Variants in DEPDC4 observed in about 807,000 individuals in gnomAD.
The protein encoded by DEPDC4 is DEP domain containing 4.
DEPDC4 carries 52 observed loss-of-function variants against 52.0 expected under a neutral mutation model. The ratio of observed to expected loss-of-function variants is 1.00; its 90% CI spans 0.80 to 1.26. DEPDC4 has a LOEUF of 1.26. DEPDC4 is among the 50% of genes most tolerant of loss of function. The pLI is 0.00. For synonymous variants in DEPDC4, 201 were observed against 196.8 expected, an observed-to-expected ratio of 1.02 and a Z score of -0.18; for missense variants, 530 against 546.9, an observed-to-expected ratio of 0.97 and a Z score of 0.31.
chr12:100,265,317 C>A lies in DEPDC4; in HGVS notation c.158-1424G>T, dbSNP rs1592910062. Among the ~76,000 whole-genome samples the A allele has an allele frequency of 3.3e-5, 5 of 152,112 alleles. No individual in the cohort carries two copies. In the East Asian group the frequency reaches 9.7e-4, roughly 29 times the overall value. Reference sequence around the variant, plus strand: ...TCAATTAGAAACAAAAACAGTTGGCCAGGCGCAGTGGCTTAAGCCTGTAAT... The same window carrying A: ...TCAATTAGAAACAAAAACAGTTGGCAAGGCGCAGTGGCTTAAGCCTGTAAT... On this transcript the variant is annotated intron_variant, in intron 1 of 9. Coordinates refer to ENST00000550587, the MANE Select transcript of DEPDC4 (RefSeq NM_001364818.2).
At chr12:100,281,841 A>AAAG in the DEPDC4 span, among the ~76,000 whole-genome samples, 326 of 152,166 alleles carry the variant, frequency 2.1e-3, 5 homozygotes, top group East Asian at 0.036. Context: ...CTCAAAAAAA[A>AAAG]AAAAAAAAAG....
chr12:100,254,094 A>T, intron 4 of DEPDC4, among the ~76,000 whole-genome samples: 1 of 152,036 alleles, frequency 6.6e-6, no homozygotes, highest in East Asian at 1.9e-4. Context: ...TCCCCAACCC[A>T]GATGAACTGT....
chr12:100,281,966 A>AT, the DEPDC4 span, among the ~76,000 whole-genome samples: 1 of 152,154 alleles, frequency 6.6e-6, no homozygotes, highest in Non-Finnish European at 1.5e-5. Flanking sequence ...AAAAAGAAAA[A>AT]ATAAGAATAA....
downstream of DEPDC4, among the ~76,000 whole-genome samples, chr12:100,239,590 G>A (rs781310179): frequency 1.2e-4 from 19 of 152,080 alleles, no homozygotes; most frequent in Admixed American, 2.0e-4. Context: ...AAACTATATT[G>A]CCCAGGCTGG....
chr12:100,267,049 C>T lies in DEPDC4; in HGVS notation c.28G>A (p.Glu10Lys), dbSNP rs200439926. ...GGAGTCAAAAGAACCGCCATAAGCTCGCGCGCTGGCTCCTCCCCTGGCACC... is the reference window on the plus strand; with the variant it reads ...GGAGTCAAAAGAACCGCCATAAGCTTGCGCGCTGGCTCCTCCCCTGGCACC... MVPGEEPAR[E>K]LMAVLLTPRF... Residue 10 changes from glutamate to lysine, a missense_variant, in exon 1 of 10, where the codon GAG (glutamate) becomes AAG (lysine). Physicochemically the swap from Glu to Lys is moderately conservative, Grantham distance 56 (BLOSUM62 1). Transcript: ENST00000550587. 6.2e-7 allele frequency: 1 copy of T among 1,613,824 alleles called. No homozygotes were observed. Among genetic ancestry groups the T allele is most frequent in the Non-Finnish European group, 8.5e-7 (1 of 1,179,880 alleles).
chr12:100,259,081 A>ATATATATAT (rs1555312803), intron 3 of DEPDC4, among the ~76,000 whole-genome samples: 4 of 149,090 alleles, frequency 2.7e-5, no homozygotes, highest in African/African-American at 7.5e-5. Context: ...AAAAAAAAAA[A>ATATATATAT]ATATATATAT....
upstream of DEPDC4, among the ~76,000 whole-genome samples, chr12:100,269,535 T>C (rs1468940314): frequency 2.0e-5 from 3 of 152,170 alleles, no homozygotes; most frequent in Admixed American, 6.5e-5. Flanking sequence ...ATTTAATGCT[T>C]ACTGAATGGG....
intron 3 of DEPDC4, among the ~76,000 whole-genome samples, chr12:100,259,081 A>ATAT (rs1555312803): frequency 1.1e-3 from 168 of 149,186 alleles, no homozygotes; most frequent in African/African-American, 4.1e-3. Flanking sequence ...AAAAAAAAAA[A>ATAT]ATATATATAT....
At chr12:100,276,918 A>G in the DEPDC4 span, among the ~76,000 whole-genome samples, 3 of 152,114 alleles carry the variant, frequency 2.0e-5, no homozygotes, top group African/African-American at 4.8e-5. Context: ...ACTGCTTTAG[A>G]TATGACCCAC....
upstream of DEPDC4, among the ~76,000 whole-genome samples, chr12:100,269,359 C>T (rs75186611): frequency 3.7e-4 from 56 of 152,128 alleles, no homozygotes; most frequent in East Asian, 8.5e-3. Flanking sequence ...ATTCATCATT[C>T]AGCTCACTTC....
chr12:100,243,116 T>A (rs1257772905), intron 8 of DEPDC4, among the ~76,000 whole-genome samples: 1 of 152,148 alleles, frequency 6.6e-6, no homozygotes, highest in Non-Finnish European at 1.5e-5. Flanking sequence ...AATAGAGCAA[T>A]TATAACAATA....
upstream of DEPDC4, among the ~76,000 whole-genome samples, chr12:100,271,013 G>C (rs1253902248): frequency 2.6e-5 from 4 of 151,960 alleles, no homozygotes; most frequent in Non-Finnish European, 4.4e-5. Flanking sequence ...AACTATGTCT[G>C]ATAATTAGAT....
chr12:100,233,741 C>G (rs2153902735), intron 9 of DEPDC4, among the ~76,000 whole-genome samples: 1 of 152,270 alleles, frequency 6.6e-6, no homozygotes, highest in African/African-American at 2.4e-5. Context: ...TGCAAGGAAT[C>G]AGCAAATAGA....
At chr12:100,233,464 A>T (rs1326444686) in intron 9 of DEPDC4, among the ~76,000 whole-genome samples, 1 of 152,206 alleles carries the variant, frequency 6.6e-6, no homozygotes, top group Non-Finnish European at 1.5e-5. Context: ...AAATAGTTGT[A>T]TAGAGTTCTG....
intron 3 of DEPDC4, among the ~76,000 whole-genome samples, chr12:100,260,495 G>C (rs1302592080): frequency 6.6e-6 from 1 of 151,824 alleles, no homozygotes; most frequent in Non-Finnish European, 1.5e-5. Context: ...AAAAATAATG[G>C]GAAAAGTTAT....
At chr12:100,253,809 T>A in intron 4 of DEPDC4, 94 bp from the exon 5 acceptor site, 2 of 595,176 alleles carry the variant, frequency 3.4e-6, no homozygotes, top group Non-Finnish European at 5.0e-6. Context: ...TCTGGCTTAT[T>A]TAAGCTAGAT....
the DEPDC4 span, among the ~76,000 whole-genome samples, chr12:100,278,630 CT>C: frequency 0.26 from 31,811 of 120,172 alleles, 3,330 homozygotes; most frequent in African/African-American, 0.37. Flanking sequence ...TGGGGAAATT[CT>C]TTTTTTTTTT....
At chr12:100,247,201 GTTTTTTT>G (rs869121983) in intron 8 of DEPDC4, among the ~76,000 whole-genome samples, 2 of 71,644 alleles carry the variant, frequency 2.8e-5, no homozygotes, top group African/African-American at 5.8e-5. Context: ...TCCCCTTAGT[GTTTTTTT>G]TTTTTTTTTT....
intron 3 of DEPDC4, among the ~76,000 whole-genome samples, chr12:100,258,625 C>T (rs867836084): frequency 5.9e-5 from 9 of 152,196 alleles, no homozygotes; most frequent in Middle Eastern, 3.4e-3. Flanking sequence ...TTCCTTCCTT[C>T]ATATCACAGC....
Sources: allele counts gnomAD v4.1 joint callset (sites outside exome capture counted in the v4.1 genomes callset), GRCh38; gene constraint gnomAD v4.1.1; transcripts MANE v1.5; gene names NCBI Gene and HGNC (gene_info 2026-07-23, HGNC 2026-07-21).